TRIML1: variants seen among roughly 807,000 people sequenced by gnomAD.
The protein encoded by TRIML1 is probable E3 ubiquitin-protein ligase TRIML1.
Under a neutral mutation model 32.3 loss-of-function variants are expected in TRIML1, and 34 were observed. The observed-to-expected ratio is 1.05, with a 90% CI of 0.80 to 1.40. TRIML1 has a LOEUF of 1.40. Ranked by LOEUF, TRIML1 falls within the 40% of genes most tolerant of loss-of-function variation. TRIML1 has a pLI of 0.00. For missense variants in TRIML1, 595 were observed against 574.9 expected, an observed-to-expected ratio of 1.03 and a Z score of -0.36; for synonymous variants, 244 against 226.6, an observed-to-expected ratio of 1.08 and a Z score of -0.69.
At chr4:188,143,541 A>G (rs1734942595) in intron 3 of TRIML1, 2 of 420,114 alleles carry the variant, frequency 4.8e-6, no homozygotes, top group South Asian at 4.8e-5. Flanking sequence ...CTCTCACTGG[A>G]TGATCGAGAC....
chr4:188,141,897 G>A (rs1030560623), intron 2 of TRIML1, among the ~76,000 whole-genome samples: 18 of 152,040 alleles, frequency 1.2e-4, no homozygotes, highest in Admixed American at 6.6e-4. Flanking sequence ...TGGGTCACCC[G>A]GTCAAGAGAC....
intron 3 of TRIML1, 62 bp from the exon 4 acceptor site, chr4:188,143,776 T>A: frequency 6.2e-7 from 1 of 1,600,830 alleles, no homozygotes; most frequent in Non-Finnish European, 8.6e-7. Context: ...GTATGCAAAA[T>A]GAATTTCGTC....
At chr4:188,149,058 C>T (rs988311294), downstream of TRIML1, among the ~76,000 whole-genome samples, 7 of 151,588 alleles carry the variant, frequency 4.6e-5, no homozygotes, top group South Asian at 2.1e-4. Context: ...GGACTAAAGG[C>T]GCCCACCACC....
At position 188,140,126 on chromosome 4, in the gene TRIML1, C is replaced by CT. The variant is rs773689742; in HGVS notation, c.408+167dup. The stretch of plus-strand genomic sequence containing the variant: ...GTCCAGTTTACACCCTTTTTTTTCC[C>CT]TTTTTTTGTTTTTGAGACAGAGTTT... On this transcript the variant is annotated intron_variant, in intron 1 of 5. Transcript: ENST00000332517. 1.5e-3 allele frequency among the ~76,000 whole-genome samples: 201 copies of CT among 136,826 alleles called. 2 individuals carry two copies. Among genetic ancestry groups the CT allele is most frequent in the Middle Eastern group, 4.2e-3 (1 of 238 alleles). The allele number at this position is 136,826 out of a possible 152,430, so 89.8% of individuals were successfully genotyped here. A position where few individuals can be genotyped will look rare whatever the true frequency, so the allele number is the denominator to read the frequency against.
In TRIML1 at chr4:188,140,577, C is replaced by G; in HGVS notation, c.458C>G (p.Ala153Gly). The change falls in exon 2 of 6, where the codon GCT (alanine) becomes GGT (glycine). Residue 153 changes from alanine (A) to glycine (G), a missense_variant. Ala to Gly is a moderately conservative substitution (Grantham distance 60). Transcript: ENST00000332517. ...CTTTTGCGTGTAAGGAGAAAGGAAGCTCAGGCTGTACTAACCCATGAGAAG... is the reference window on the plus strand; with the variant it reads ...CTTTTGCGTGTAAGGAGAAAGGAAGGTCAGGCTGTACTAACCCATGAGAAG... ...LNLLRVRRKE[A>G]QAVLTHEKER... 2.5e-6 allele frequency: 4 copies of G among 1,614,104 alleles called. No individual in the cohort carries two copies. Among genetic ancestry groups the G allele is most frequent in the Non-Finnish European group, 3.4e-6 (4 of 1,179,992 alleles).
At chr4:188,148,442 G>A (rs11730267), downstream of TRIML1, among the ~76,000 whole-genome samples, 16,312 of 151,682 alleles carry the variant, frequency 0.11, 924 homozygotes, top group Middle Eastern at 0.13. Context: ...TGCAGTGAGC[G>A]GAGATCATTC....
At chr4:188,150,713 A>T (rs950089638), downstream of TRIML1, among the ~76,000 whole-genome samples, 3 of 151,694 alleles carry the variant, frequency 2.0e-5, no homozygotes, top group African/African-American at 7.3e-5. Context: ...TGGCAAAATC[A>T]TCCCCAGTGG....
intron 3 of TRIML1, 153 bp from the exon 4 acceptor site, chr4:188,143,685 G>A: frequency 1.2e-6 from 1 of 840,744 alleles, no homozygotes; most frequent in South Asian, 1.6e-5. Flanking sequence ...GGAAGAAACT[G>A]GGGACGCTTT....
At chr4:188,145,378 G>A (rs1437475744) in intron 5 of TRIML1, among the ~76,000 whole-genome samples, 1 of 146,216 alleles carries the variant, frequency 6.8e-6, no homozygotes, top group Admixed American at 7.0e-5. Context: ...GGAGGTGGAG[G>A]TTGCAGTGAG....
chr4:188,146,343 C>G (rs1735079806), intron 5 of TRIML1, among the ~76,000 whole-genome samples: 1 of 152,186 alleles, frequency 6.6e-6, no homozygotes. Context: ...CTCTCTGTCT[C>G]CATTTAGAGC....
intron 3 of TRIML1, 154 bp from the exon 4 acceptor site, chr4:188,143,684 T>A (rs1200446374): frequency 2.4e-6 from 2 of 836,558 alleles, no homozygotes; most frequent in African/African-American, 3.4e-5. Flanking sequence ...TGGAAGAAAC[T>A]GGGGACGCTT....
At chr4:188,141,467 T>C (rs1308001315) in intron 2 of TRIML1, among the ~76,000 whole-genome samples, 4 of 152,048 alleles carry the variant, frequency 2.6e-5, no homozygotes, top group African/African-American at 9.7e-5. Context: ...TGCTTGGCCG[T>C]AGACTTTGAA....
chr4:188,149,984 T>A (rs1359301413), downstream of TRIML1, among the ~76,000 whole-genome samples: 1 of 151,702 alleles, frequency 6.6e-6, no homozygotes, highest in Admixed American at 6.6e-5. Flanking sequence ...TTTTTCTATT[T>A]TTATAGAGAC....
intron 1 of TRIML1, among the ~76,000 whole-genome samples, chr4:188,140,256 G>A (rs960013447): frequency 1.3e-5 from 2 of 152,014 alleles, no homozygotes; most frequent in African/African-American, 2.4e-5. Flanking sequence ...CAGTAGCTGG[G>A]ACTACAGTCA....
chr4:188,137,474 A>C (rs146193636), upstream of TRIML1, among the ~76,000 whole-genome samples: 2 of 48,032 alleles, frequency 4.2e-5, no homozygotes, highest in African/African-American at 2.1e-4. Context: ...AGCTATTTTT[A>C]CTTTTTTTTT....
At chr4:188,144,486 C>T (rs1734988848) in intron 5 of TRIML1, among the ~76,000 whole-genome samples, 1 of 145,726 alleles carries the variant, frequency 6.9e-6, no homozygotes, top group African/African-American at 2.5e-5. Context: ...CCTCAGCCTC[C>T]CGAGTAGCTG....
At chr4:188,140,652 G>A in intron 2 of TRIML1, 29 bp downstream of exon 2, 1 of 1,518,154 alleles carries the variant, frequency 6.6e-7, no homozygotes, top group Non-Finnish European at 9.1e-7. Context: ...TTTGCTGCTT[G>A]TATATGACCC....
chr4:188,142,661 A>AGAGAG (rs199944407), intron 3 of TRIML1, among the ~76,000 whole-genome samples, 179 bp downstream of exon 3: 1 of 134,654 alleles, frequency 7.4e-6, no homozygotes, highest in African/African-American at 3.5e-5. Flanking sequence ...AGAGAGAGAG[A>AGAGAG]AAAAAAAAAA....
downstream of TRIML1, among the ~76,000 whole-genome samples, chr4:188,149,111 G>C (rs1164872935): frequency 6.6e-6 from 1 of 151,416 alleles, no homozygotes; most frequent in Non-Finnish European, 1.5e-5. Flanking sequence ...AGTAGAGACG[G>C]GGTTTCACCG....
Sources: gnomAD v4.1 joint callset for allele counts (sites outside exome capture counted in the v4.1 genomes callset) on GRCh38, gnomAD v4.1.1 for gene constraint, MANE v1.5 for transcripts, NCBI Gene and HGNC (gene_info 2026-07-23, HGNC 2026-07-21) for gene names.